LYN: variants seen among roughly 807,000 people sequenced by gnomAD.
LYN encodes the protein tyrosine-protein kinase Lyn.
LYN carries 12 observed loss-of-function variants against 65.0 expected under a neutral mutation model. That is an observed-to-expected ratio of 0.18 (90% CI 0.12 to 0.30). LYN has a LOEUF of 0.30. LYN is among the 10% of genes least tolerant of loss of function. The pLI is 1.00. For missense variants in LYN, 380 were observed against 623.2 expected (o/e 0.61, Z 4.16); for synonymous variants, 222 against 221.2 (o/e 1.00, Z -0.03).
At chr8:55,927,573 G>A (rs1252183163) in intron 1 of LYN, among the ~76,000 whole-genome samples, 1 of 152,176 alleles carries the variant, frequency 6.6e-6, no homozygotes, top group Admixed American at 6.6e-5. Context: ...GGTGGTTCAC[G>A]TCTGTAATCC....
At chr8:55,953,003 G>A (rs747193033) in intron 7 of LYN, among the ~76,000 whole-genome samples, 1 of 152,158 alleles carries the variant, frequency 6.6e-6, no homozygotes, top group Non-Finnish European at 1.5e-5. Context: ...CTGCTCGAAG[G>A]GGATGCACAT....
At chr8:55,892,362 T>C (rs1804983459) in intron 1 of LYN, among the ~76,000 whole-genome samples, 1 of 152,098 alleles carries the variant, frequency 6.6e-6, no homozygotes, top group South Asian at 2.1e-4. Context: ...GGAGTTTGCA[T>C]TGAGCTGAGA....
chr8:55,959,933 T>C (rs898268257), intron 8 of LYN, among the ~76,000 whole-genome samples: 4 of 152,242 alleles, frequency 2.6e-5, no homozygotes, highest in Non-Finnish European at 5.9e-5. Flanking sequence ...CATATTATAC[T>C]GTTCCATTTA....
At chr8:55,953,807 C>T (rs768344974) in intron 7 of LYN, 25 bp from the exon 8 acceptor site, 15 of 1,610,502 alleles carry the variant, frequency 9.3e-6, no homozygotes, top group Non-Finnish European at 1.3e-5. Context: ...CATTTCTTAA[C>T]CTTCATTTTT....
intron 1 of LYN, among the ~76,000 whole-genome samples, chr8:55,909,210 A>G (rs1805530530): frequency 6.6e-6 from 1 of 151,948 alleles, no homozygotes; most frequent in Non-Finnish European, 1.5e-5. Flanking sequence ...GTTCCCCATG[A>G]ATGTGTGCCA....
At chr8:55,980,849 T>C (rs1807897832) in intron 10 of LYN, among the ~76,000 whole-genome samples, 1 of 152,214 alleles carries the variant, frequency 6.6e-6, no homozygotes, top group Non-Finnish European at 1.5e-5. Flanking sequence ...AACATTCACA[T>C]TGTTGTGAAA....
chr8:55,912,464 G>A (rs1370344918), intron 1 of LYN, among the ~76,000 whole-genome samples: 1 of 152,196 alleles, frequency 6.6e-6, no homozygotes, highest in Non-Finnish European at 1.5e-5. Flanking sequence ...GGTGGCTTAT[G>A]CCTGTAATCC....
intron 1 of LYN, among the ~76,000 whole-genome samples, chr8:55,906,254 C>T (rs1364575718): frequency 1.3e-5 from 2 of 152,126 alleles, no homozygotes; most frequent in African/African-American, 2.4e-5. Context: ...GTGGGCCAGG[C>T]ACAGTGGCTC....
At chr8:55,911,106 CGTATATAT>C (rs1805596124) in intron 1 of LYN, among the ~76,000 whole-genome samples, 1 of 1,056 alleles carries the variant, frequency 9.5e-4, no homozygotes, top group African/African-American at 3.4e-3. Flanking sequence ...TATACATACA[CGTATATAT>C]ACGTATATAT....
intron 3 of LYN, among the ~76,000 whole-genome samples, chr8:55,947,021 G>T (rs1197513568): frequency 6.6e-6 from 1 of 152,214 alleles, no homozygotes; most frequent in African/African-American, 2.4e-5. Flanking sequence ...GCCAAGTTAG[G>T]TAGATCACCT....
At chr8:55,940,062 C>T (rs1222039453) in intron 1 of LYN, among the ~76,000 whole-genome samples, 1 of 152,212 alleles carries the variant, frequency 6.6e-6, no homozygotes, top group African/African-American at 2.4e-5. Flanking sequence ...CAGGCCTGGA[C>T]GCGTGGCAGC....
intron 10 of LYN, among the ~76,000 whole-genome samples, chr8:55,990,770 C>T (rs1300844839): frequency 6.6e-6 from 1 of 152,074 alleles, no homozygotes; most frequent in African/African-American, 2.4e-5. Context: ...GTCCAATTCC[C>T]CCTTCTCATC....
chr8:55,885,828 C>G (rs570267196), intron 1 of LYN, among the ~76,000 whole-genome samples: 2 of 152,304 alleles, frequency 1.3e-5, no homozygotes, highest in Non-Finnish European at 2.9e-5. Context: ...GTGATACTTC[C>G]TCCACCCCAG....
chr8:55,998,332 A>C lies in LYN; in HGVS notation c.1051-14A>C. The C allele has an allele frequency of 6.2e-7, 1 of 1,600,542 alleles. No homozygotes were observed. Among genetic ancestry groups the C allele is most frequent in the Non-Finnish European group, 8.6e-7 (1 of 1,168,480 alleles). ...ACCCTACATATGAAAATGGGAGCCT[A>C]TTTCTGTTTTCAGATTGCAGAGGGA... is the stretch of plus-strand genomic sequence containing the variant. On this transcript the variant is annotated splice_polypyrimidine_tract_variant and intron_variant, in intron 10 of 12. Coordinates refer to ENST00000519728, the MANE Select transcript of LYN (RefSeq NM_002350.4).
At chr8:55,996,219 G>A (rs1045488288) in intron 10 of LYN, among the ~76,000 whole-genome samples, 2 of 152,176 alleles carry the variant, frequency 1.3e-5, no homozygotes, top group African/African-American at 4.8e-5. Flanking sequence ...ACCATCTAGG[G>A]TGAGTAAAGG....
rs373934736 is a variant in LYN at position 55,957,902 on chromosome 8, T to G, written c.790+3918T>G. 1.5e-3 allele frequency among the ~76,000 whole-genome samples: 228 copies of G among 152,202 alleles called. 2 individuals are homozygous for G. Among genetic ancestry groups the G allele is most frequent in the African/African-American group, 5.3e-3 (222 of 41,528 alleles). Reference sequence around the variant, plus strand: ...GGCAGAGGTTGCAGTGAGCTGAGATTGCGCCGCTGTCACCAAACTGGGTGA... The same window carrying G: ...GGCAGAGGTTGCAGTGAGCTGAGATGGCGCCGCTGTCACCAAACTGGGTGA... On this transcript the variant is annotated intron_variant, in intron 8 of 12. Coordinates refer to ENST00000519728, the MANE Select transcript of LYN (RefSeq NM_002350.4).
chr8:55,998,599 AC>A, intron 11 of LYN, 100 bp downstream of exon 11: 1 of 1,104,708 alleles, frequency 9.1e-7, no homozygotes, highest in South Asian at 1.4e-5. Context: ...ATTAAGAAAA[AC>A]TTATTTGGTA....
At chr8:55,943,777 C>T (rs1050189246) in intron 2 of LYN, among the ~76,000 whole-genome samples, 3 of 152,100 alleles carry the variant, frequency 2.0e-5, no homozygotes, top group Middle Eastern at 3.4e-3. Flanking sequence ...AAATCAACAT[C>T]GGTCTTCTTA....
chr8:55,970,595 A>T (rs758847770), intron 10 of LYN, among the ~76,000 whole-genome samples: 1 of 152,100 alleles, frequency 6.6e-6, no homozygotes, highest in Non-Finnish European at 1.5e-5. Context: ...TGGTCCCTAT[A>T]GTCTTCCTTT....
Sources: gnomAD v4.1 joint callset for allele counts (sites outside exome capture counted in the v4.1 genomes callset) on GRCh38, gnomAD v4.1.1 for gene constraint, MANE v1.5 for transcripts, NCBI Gene and HGNC (gene_info 2026-07-23, HGNC 2026-07-21) for gene names.